The following FHAD1 variants were observed in gnomAD, a reference collection of about 807,000 sequenced individuals.
FHAD1 encodes the protein forkhead associated phosphopeptide binding domain 1, also known as forkhead-associated domain-containing protein 1.
FHAD1 carries 146 observed loss-of-function variants against 191.3 expected under a neutral mutation model. The ratio of observed to expected loss-of-function variants is 0.76; its 90% CI spans 0.67 to 0.88. The LOEUF is 0.88. Ranked by LOEUF, FHAD1 falls within the 40% of genes least tolerant of loss-of-function variation. The probability of loss-of-function intolerance (pLI) is 0.00; values close to 1 mark genes in which losing one functional copy is unlikely to be tolerated. For synonymous variants in FHAD1, 616 were observed against 672.3 expected (o/e 0.92, Z 1.29); for missense variants, 1,635 against 1,785.8 (o/e 0.92, Z 1.52).
chr1:15,299,759 G>T (rs1668157656), intron 5 of FHAD1, among the ~76,000 whole-genome samples: 1 of 152,236 alleles, frequency 6.6e-6, no homozygotes, highest in African/African-American at 2.4e-5. Context: ...ATACATGTTT[G>T]TTGTGTGGAT....
rs1448058481 is a variant in FHAD1 at position 15,311,904 on chromosome 1, G to A, written c.1040-1153G>A. On this transcript the variant is annotated intron_variant, in intron 7 of 33. Transcript: ENST00000688493. This position sits in a 1 kb window ranked among gnomAD's most constrained non-coding sequence, Gnocchi z 4.1. ...CTCAGGGTCTCTCACGAGGTTGCAGGAGCTACTGCTGTCATGTCATCTAAA... is the reference window on the plus strand; with the variant it reads ...CTCAGGGTCTCTCACGAGGTTGCAGAAGCTACTGCTGTCATGTCATCTAAA... Among the ~76,000 whole-genome samples, 2 of 152,192 alleles carry A rather than the reference G, an allele frequency of 1.3e-5. No individual in the cohort carries two copies. The highest frequency in any genetic ancestry group is 4.8e-5 in the African/African-American group (2 of 41,454).
At position 15,371,211 on chromosome 1, in the gene FHAD1, A is replaced by G. The variant is rs564343030; in HGVS notation, c.3447+1709A>G. On this transcript the variant is annotated intron_variant, in intron 26 of 33. Coordinates refer to ENST00000688493, the MANE Select transcript of FHAD1 (RefSeq NM_001391957.1). ...AACTATTGAGCACCTGCTGTGTGTC[A>G]GGCCCTATGCCAGGGATAGGAGAAG... Among the ~76,000 whole-genome samples the G allele has an allele frequency of 1.9e-3, 291 of 152,326 alleles. 2 individuals carry two copies. In the Middle Eastern group the frequency reaches 0.044, roughly 23 times the overall value.
At chr1:15,377,611 G>A (rs1028099265) in intron 28 of FHAD1, among the ~76,000 whole-genome samples, 1 of 152,178 alleles carries the variant, frequency 6.6e-6, no homozygotes, top group African/African-American at 2.4e-5. Context: ...GCCAAGGCGG[G>A]CAGATCACTT....
intron 28 of FHAD1, among the ~76,000 whole-genome samples, chr1:15,380,206 A>T (rs1700585020): frequency 6.6e-6 from 1 of 151,950 alleles, no homozygotes; most frequent in African/African-American, 2.4e-5. Flanking sequence ...CTTCTATGGC[A>T]CTCTCCTCTG....
rs369365512 is a variant in FHAD1 at position 15,289,087 on chromosome 1, T to G, written c.301-312T>G. 4.2e-3 allele frequency among the ~76,000 whole-genome samples: 634 copies of G among 152,282 alleles called. 15 individuals are homozygous for G. In the South Asian group the frequency reaches 0.081, roughly 19 times the overall value. On this transcript the variant is annotated intron_variant, in intron 3 of 33. Coordinates refer to ENST00000688493, the MANE Select transcript of FHAD1 (RefSeq NM_001391957.1). This position sits in a 1 kb window ranked among gnomAD's most constrained non-coding sequence, Gnocchi z 4.2. ...GCAGCCTCTACTTCCTAGGCTCAGG[T>G]GATCCTCCCACCTCAGCCTCTCAAG...
chr1:15,333,159 G>A (rs1481746221), intron 14 of FHAD1, among the ~76,000 whole-genome samples: 1 of 152,204 alleles, frequency 6.6e-6, no homozygotes, highest in Non-Finnish European at 1.5e-5. Flanking sequence ...AGAAGAGGAA[G>A]TTGATGGTAA....
intron 32 of FHAD1, among the ~76,000 whole-genome samples, chr1:15,389,447 C>CA (rs570569622): frequency 0.093 from 5,022 of 53,898 alleles, 347 homozygotes; most frequent in Non-Finnish European, 0.13. Flanking sequence ...GAACCTGTCT[C>CA]AAAAAAAAAA....
intron 24 of FHAD1, among the ~76,000 whole-genome samples, 183 bp from the exon 25 acceptor site, chr1:15,367,280 G>A (rs1696774124): frequency 6.6e-6 from 1 of 152,104 alleles, no homozygotes; most frequent in African/African-American, 2.4e-5. Context: ...TGGATCACCT[G>A]AGGTCAGGAG....
chr1:15,276,805 G>T lies in FHAD1; in HGVS notation c.300+4276G>T, dbSNP rs982092191. Reference sequence around the variant, plus strand: ...TGAGACTCTCTCAAAAAAAAAAAAAGTATAGCCTAGGGCCACCACCTTGCA... The same window carrying T: ...TGAGACTCTCTCAAAAAAAAAAAAATTATAGCCTAGGGCCACCACCTTGCA... On this transcript the variant is annotated intron_variant, in intron 3 of 33. Transcript: ENST00000688493. This position sits in a 1 kb window ranked among gnomAD's most constrained non-coding sequence, Gnocchi z 4.7. Among the ~76,000 whole-genome samples the T allele has an allele frequency of 6.6e-6, 1 of 151,306 alleles. No homozygotes were observed. The highest frequency in any genetic ancestry group is 2.4e-5 in the African/African-American group (1 of 41,146).
At chr1:15,359,204 A>G (rs1034553238) in intron 21 of FHAD1, among the ~76,000 whole-genome samples, 1 of 152,142 alleles carries the variant, frequency 6.6e-6, no homozygotes, top group Non-Finnish European at 1.5e-5. Context: ...AGGCGAGGAT[A>G]GGGCATCAAA....
chr1:15,358,264 A>C lies in FHAD1; in HGVS notation c.2717A>C (p.Glu906Ala). The change falls in exon 21 of 34, where the codon GAA becomes GCA. Residue 906 changes from glutamate (E) to alanine (A), a missense_variant. Glu to Ala is a moderately radical substitution (Grantham distance 107). Coordinates refer to ENST00000688493, the MANE Select transcript of FHAD1 (RefSeq NM_001391957.1). ...LKLNETLAELETTKTKMIMVE... is the reference protein window; with the variant it reads ...LKLNETLAELATTKTKMIMVE... ...TTAAATGAAACATTAGCCGAACTGG[A>C]AACTACCAAGACAAAAATGGTAAGT... The C allele has an allele frequency of 2.6e-6, 4 of 1,529,720 alleles. No individual in the cohort carries two copies. Among genetic ancestry groups the C allele is most frequent in the Non-Finnish European group, 3.5e-6 (4 of 1,142,212 alleles). 94.8% of individuals were successfully genotyped at this position (1,529,720 alleles called of 1,614,324 possible).
intron 33 of FHAD1, among the ~76,000 whole-genome samples, chr1:15,391,492 T>C (rs987396268): frequency 6.6e-6 from 1 of 152,150 alleles, no homozygotes; most frequent in African/African-American, 2.4e-5. Context: ...CGCGCCTGGC[T>C]GAACACTCTT....
chr1:15,289,833 C>G lies in FHAD1; in HGVS notation c.568+167C>G, dbSNP rs575530890. On this transcript the variant is annotated intron_variant, in intron 4 of 33. Transcript: ENST00000688493. The surrounding 1 kb of genome is among the most constrained non-coding windows in gnomAD (Gnocchi z 4.2). ...GTAAGAAAACAGTTAAAAAATCAGC[C>G]GTAATCCTTATCCCCAGGGTCTCCC... 1.2e-4 allele frequency among the ~76,000 whole-genome samples: 19 copies of G among 152,268 alleles called. No homozygotes were observed. The highest frequency in any genetic ancestry group is 4.6e-4 in the African/African-American group (19 of 41,542).
chr1:15,312,415 C>T lies in FHAD1; in HGVS notation c.1040-642C>T, dbSNP rs11577825. Among the ~76,000 whole-genome samples the T allele has an allele frequency of 0.02, 3,071 of 152,292 alleles. 97 individuals are homozygous for T. The highest frequency in any genetic ancestry group is 0.071 in the African/African-American group (2,940 of 41,552). On this transcript the variant is annotated intron_variant, in intron 7 of 33. Coordinates refer to ENST00000688493, the MANE Select transcript of FHAD1 (RefSeq NM_001391957.1). The surrounding 1 kb of genome is among the most constrained non-coding windows in gnomAD (Gnocchi z 4.7). The stretch of plus-strand genomic sequence containing the variant: ...GTGGCTCACATCTGTAATCCCAGCA[C>T]TTTGGGAGACAGAGGCTGGTGGATT...
intron 28 of FHAD1, among the ~76,000 whole-genome samples, 169 bp from the exon 29 acceptor site, chr1:15,380,532 C>T (rs886320750): frequency 2.0e-5 from 3 of 152,116 alleles, no homozygotes; most frequent in Non-Finnish European, 2.9e-5. Context: ...GGTGGGAATA[C>T]AATTATAAGA....
At chr1:15,301,554 A>G (rs1452638376) in intron 6 of FHAD1, 113 bp downstream of exon 6, 5 of 804,518 alleles carry the variant, frequency 6.2e-6, no homozygotes, top group South Asian at 1.8e-5. Flanking sequence ...TCAGTGGAGC[A>G]TGGTGGTTAA....
chr1:15,239,859 GA>G (rs1645160862), intron 1 of FHAD1, among the ~76,000 whole-genome samples: 1 of 151,396 alleles, frequency 6.6e-6, no homozygotes, highest in East Asian at 2.0e-4. Context: ...CAGCGCTTTG[GA>G]AAAATGTTTG....
At chr1:15,296,571 T>A in intron 4 of FHAD1, 113 bp from the exon 5 acceptor site, 1 of 1,055,162 alleles carries the variant, frequency 9.5e-7, no homozygotes, top group South Asian at 1.4e-5. Flanking sequence ...TTAAATTACA[T>A]AAAATATCAA....
chr1:15,291,479 C>G (rs922951888), intron 4 of FHAD1, among the ~76,000 whole-genome samples: 23 of 152,208 alleles, frequency 1.5e-4, no homozygotes, highest in African/African-American at 5.3e-4. Flanking sequence ...AAGTTTCCTA[C>G]AGCTGTAGAC....
Sources: gnomAD v4.1 joint callset for allele counts (sites outside exome capture counted in the v4.1 genomes callset) on GRCh38, gnomAD v4.1.1 for gene constraint, Gnocchi (gnomAD v3.1) non-coding constraint, MANE v1.5 for transcripts, NCBI Gene and HGNC (gene_info 2026-07-23, HGNC 2026-07-21) for gene names.